CACNA2D3: variants seen among roughly 807,000 people sequenced by gnomAD.
CACNA2D3 encodes calcium voltage-gated channel auxiliary subunit alpha2delta 3.
A neutral mutation model predicts 160.6 loss-of-function variants in CACNA2D3; 60 were observed. The observed-to-expected ratio is 0.37, with a 90% CI of 0.30 to 0.46. The LOEUF (loss-of-function observed/expected upper bound fraction) is 0.46, where lower values mean the gene tolerates loss of function less well. CACNA2D3 is among the 20% of genes least tolerant of loss of function. The pLI, the probability that CACNA2D3 is intolerant of heterozygous loss-of-function variation, is 1.00. For synonymous variants in CACNA2D3, 558 were observed against 492.9 expected (o/e 1.13, Z -1.75); for missense variants, 1,205 against 1,365.0 (o/e 0.88, Z 1.85).
chr3:54,347,510 T>C (rs1698480645), intron 3 of CACNA2D3, among the ~76,000 whole-genome samples: 1 of 152,216 alleles, frequency 6.6e-6, no homozygotes, highest in South Asian at 2.1e-4. Context: ...CTCATGTTTC[T>C]ATCAGATTTG....
chr3:55,013,416 A>G (rs933061012), intron 34 of CACNA2D3, among the ~76,000 whole-genome samples: 2 of 152,202 alleles, frequency 1.3e-5, no homozygotes, highest in African/African-American at 2.4e-5. Context: ...GGATGAAGAA[A>G]AGAAAACAAG....
intron 11 of CACNA2D3, among the ~76,000 whole-genome samples, chr3:54,642,720 T>C (rs1294069195): frequency 6.6e-6 from 1 of 152,190 alleles, no homozygotes; most frequent in Non-Finnish European, 1.5e-5. Context: ...AGAACTTGTC[T>C]GTTCTCTATT....
chr3:54,500,723 A>C (rs1245921725), intron 4 of CACNA2D3, among the ~76,000 whole-genome samples: 1 of 151,730 alleles, frequency 6.6e-6, no homozygotes, highest in African/African-American at 2.4e-5. Flanking sequence ...TTCCTTTTAC[A>C]GTTATTTTAG....
intron 4 of CACNA2D3, among the ~76,000 whole-genome samples, chr3:54,393,020 AAT>A: frequency 6.6e-6 from 1 of 152,346 alleles, no homozygotes; most frequent in East Asian, 1.9e-4. Context: ...TTTTGATGAA[AAT>A]AACTAAACAG....
At chr3:54,753,217 A>T (rs1701900855) in intron 12 of CACNA2D3, among the ~76,000 whole-genome samples, 1 of 152,190 alleles carries the variant, frequency 6.6e-6, no homozygotes, top group Non-Finnish European at 1.5e-5. Context: ...TCTTCTGCTT[A>T]GTAGCTGAGT....
At chr3:54,522,025 C>T (rs1363218794) in intron 5 of CACNA2D3, among the ~76,000 whole-genome samples, 1 of 152,116 alleles carries the variant, frequency 6.6e-6, no homozygotes, top group Non-Finnish European at 1.5e-5. Flanking sequence ...TATTCCAGGT[C>T]CCTTGCAATT....
chr3:54,688,861 C>T (rs973437210), intron 11 of CACNA2D3, among the ~76,000 whole-genome samples: 11 of 150,588 alleles, frequency 7.3e-5, no homozygotes, highest in Non-Finnish European at 1.3e-4. Context: ...ATTAGCTGGA[C>T]GTCCCAGCTA....
chr3:54,329,650 A>G (rs1171879938), intron 3 of CACNA2D3, among the ~76,000 whole-genome samples: 1 of 152,212 alleles, frequency 6.6e-6, no homozygotes, highest in Non-Finnish European at 1.5e-5. Flanking sequence ...CAGGCCAGGC[A>G]AAAGCAATCT....
rs768348036 is a variant in CACNA2D3, at chr3:54,141,094, C to CGCGCGCGCGCGCGCGCACGT, written c.204+17505_204+17506insCGCGCGCGCGCACGTGCGCG. 1.6e-3 allele frequency among the ~76,000 whole-genome samples: 135 copies of CGCGCGCGCGCGCGCGCACGT among 81,960 alleles called. 2 individuals carry two copies. Among genetic ancestry groups the CGCGCGCGCGCGCGCGCACGT allele is most frequent in the Middle Eastern group, 0.016 (3 of 184 alleles). The allele number at this position is 81,960 out of a possible 152,430, so 53.8% of individuals were successfully genotyped here. On this transcript the variant is annotated intron_variant, in intron 2 of 37. Transcript: ENST00000474759. ...GTGTGTGTGTGTGTGTGTGCGCGCG[C>CGCGCGCGCGCGCGCGCACGT]GCGCGTGTGTGCATGCATGCCTGAG...
At chr3:55,003,621 T>C (rs1703029840) in intron 31 of CACNA2D3, among the ~76,000 whole-genome samples, 2 of 152,158 alleles carry the variant, frequency 1.3e-5, no homozygotes, top group South Asian at 2.1e-4. Flanking sequence ...ACTTGAGGGA[T>C]AATAAATGAT....
At chr3:54,718,066 A>G (rs1004308665) in intron 11 of CACNA2D3, among the ~76,000 whole-genome samples, 2 of 152,130 alleles carry the variant, frequency 1.3e-5, no homozygotes, top group African/African-American at 2.4e-5. Flanking sequence ...ATTTTTGACA[A>G]TTTAAGAAAT....
At chr3:54,511,953 T>A (rs1379203437) in intron 5 of CACNA2D3, among the ~76,000 whole-genome samples, 1 of 152,224 alleles carries the variant, frequency 6.6e-6, no homozygotes, top group Non-Finnish European at 1.5e-5. Context: ...CAGCAGCAAC[T>A]GTTGCAGCCT....
In CACNA2D3 at chr3:54,448,986, T is replaced by G. The variant is rs1700263274; in HGVS notation, c.382-54506T>G. ...CTCTGGAACAATATAAGACTTTGTC[T>G]TGAATTTATTTATTTTAGAATGGTT... On this transcript the variant is annotated intron_variant, in intron 4 of 37. Transcript: ENST00000474759. Among the ~76,000 whole-genome samples the G allele has an allele frequency of 3.3e-5, 5 of 152,234 alleles. No homozygotes were observed. The South Asian group carries it at 1.0e-3, about 32-fold the overall frequency.
chr3:54,914,981 A>AT (rs201318443), intron 27 of CACNA2D3, among the ~76,000 whole-genome samples: 2,203 of 152,312 alleles, frequency 0.014, 54 homozygotes, highest in African/African-American at 0.05. Context: ...ACTTCCTTTG[A>AT]TATTTAGGAT....
intron 17 of CACNA2D3, among the ~76,000 whole-genome samples, chr3:54,862,475 T>C (rs1244892820): frequency 1.3e-5 from 2 of 152,216 alleles, no homozygotes; most frequent in African/African-American, 4.8e-5. Context: ...ATTACAGGCA[T>C]AAATCAGGTA....
chr3:54,766,435 C>G (rs543511119), intron 13 of CACNA2D3, among the ~76,000 whole-genome samples: 4 of 152,288 alleles, frequency 2.6e-5, no homozygotes, highest in African/African-American at 9.6e-5. Context: ...TCACACCCAT[C>G]AGAGTGGCAA....
chr3:54,420,965 G>C (rs1265139489), intron 4 of CACNA2D3, among the ~76,000 whole-genome samples: 1 of 152,240 alleles, frequency 6.6e-6, no homozygotes, highest in Non-Finnish European at 1.5e-5. Flanking sequence ...GGTACAGGTT[G>C]AATTGAGTCA....
chr3:54,243,393 T>C (rs1702009986), intron 2 of CACNA2D3, among the ~76,000 whole-genome samples: 1 of 152,232 alleles, frequency 6.6e-6, no homozygotes, highest in Non-Finnish European at 1.5e-5. Flanking sequence ...CAGCACTCTT[T>C]GTTTTGTTCT....
chr3:54,232,446 C>T (rs1423661947), intron 2 of CACNA2D3, among the ~76,000 whole-genome samples: 1 of 152,164 alleles, frequency 6.6e-6, no homozygotes, highest in Non-Finnish European at 1.5e-5. Flanking sequence ...GGGCCCTGGG[C>T]TAAGAACCTC....
Sources: gnomAD v4.1 joint callset for allele counts (sites outside exome capture counted in the v4.1 genomes callset) on GRCh38, gnomAD v4.1.1 for gene constraint, MANE v1.5 for transcripts, NCBI Gene and HGNC (gene_info 2026-07-23, HGNC 2026-07-21) for gene names.